CCDC50: variants seen among roughly 807,000 people sequenced by gnomAD.
The protein encoded by CCDC50 is coiled-coil domain containing 50, also known as coiled-coil domain-containing protein 50.
In CCDC50, 54 loss-of-function variants were observed where a neutral mutation model predicts 70.2. The observed-to-expected ratio is 0.77, with a 90% CI of 0.62 to 0.96. The LOEUF (loss-of-function observed/expected upper bound fraction) is 0.96, where lower values mean the gene tolerates loss of function less well. Among genes scored for constraint, CCDC50 ranks in the 50% least tolerant of loss-of-function variants. CCDC50 has a pLI of 0.00. For synonymous variants in CCDC50, 216 were observed against 198.8 expected (o/e 1.09, Z -0.73); for missense variants, 558 against 578.7 (o/e 0.96, Z 0.37).
At chr3:191,338,605 C>T (rs1711598011) in intron 1 of CCDC50, among the ~76,000 whole-genome samples, 1 of 152,230 alleles carries the variant, frequency 6.6e-6, no homozygotes. Context: ...GTTTTCCCAG[C>T]ATTCTCTGGT....
rs1466657463 is a variant in CCDC50, at chr3:191,380,880, A to G, written c.1190A>G (p.Lys397Arg). Residue 397 changes from lysine to arginine, a missense_variant, in exon 9 of 12, where the codon AAG becomes AGG. Lys to Arg is a conservative substitution (Grantham distance 26). Transcript: ENST00000392455. ...GAAAAGAAAGCTTACAAAAAAGCCA[A>G]GGAGCGGGAGAAATCATCTTTGGAC... ...AEEKKAYKKAKEREKSSLDKR... is the reference protein window; with the variant it reads ...AEEKKAYKKAREREKSSLDKR... The G allele has an allele frequency of 3.1e-6, 5 of 1,612,956 alleles. No homozygotes were observed. The highest frequency in any genetic ancestry group is 4.5e-5 in the East Asian group (2 of 44,846).
intron 1 of CCDC50, among the ~76,000 whole-genome samples, chr3:191,343,841 T>C (rs1711817418): frequency 6.6e-6 from 1 of 152,230 alleles, no homozygotes; most frequent in Admixed American, 6.5e-5. Flanking sequence ...ATTTCAAGAA[T>C]TGAACTCCTC....
chr3:191,337,675 C>T (rs143366367), intron 1 of CCDC50, among the ~76,000 whole-genome samples: 9 of 152,048 alleles, frequency 5.9e-5, no homozygotes, highest in East Asian at 1.9e-4. Flanking sequence ...AATTACACTC[C>T]GGTAAATTTC....
rs545306429 is a variant in CCDC50, at chr3:191,347,454, T to C, written c.50-9634T>C. ...TCTGCTTTAAATGCCACATAAATCCTAAGCACCCCGTTGCATTGTTTAGCT... is the reference window on the plus strand; with the variant it reads ...TCTGCTTTAAATGCCACATAAATCCCAAGCACCCCGTTGCATTGTTTAGCT... On this transcript the variant is annotated intron_variant, in intron 1 of 11. Coordinates refer to ENST00000392455, the MANE Select transcript of CCDC50 (RefSeq NM_178335.3). Among the ~76,000 whole-genome samples, 38 of 142,068 alleles carry C rather than the reference T, an allele frequency of 2.7e-4. 3 individuals are homozygous for C. The South Asian group carries it at 8.0e-3, about 30-fold the overall frequency. The allele number at this position is 142,068 out of a possible 152,430, so 93.2% of individuals were successfully genotyped here.
At position 191,389,853 on chromosome 3, in the gene CCDC50, CTTTTTTTTT is replaced by C. The variant is rs10635756; in HGVS notation, c.1429+268_1429+276del. Among the ~76,000 whole-genome samples, 752 of 84,664 alleles carry C rather than the reference CTTTTTTTTT, an allele frequency of 8.9e-3. 4 individuals carry two copies. Among genetic ancestry groups the C allele is most frequent in the Non-Finnish European group, 0.012 (569 of 47,458 alleles). 55.5% of individuals were successfully genotyped at this position (84,664 alleles called of 152,430 possible). A position where few individuals can be genotyped will look rare whatever the true frequency, so the allele number is the denominator to read the frequency against. Reference sequence around the variant, plus strand: ...GAGCACAACGCTTTCATCAAATTCACTTTTTTTTTTTTTTTTTTTTTTTTTGAGTCGGAG... The same window carrying C: ...GAGCACAACGCTTTCATCAAATTCACTTTTTTTTTTTTTTTTGAGTCGGAG... On this transcript the variant is annotated intron_variant, in intron 11 of 11. Coordinates refer to ENST00000392455, the MANE Select transcript of CCDC50 (RefSeq NM_178335.3).
At chr3:191,341,079 G>T (rs572418934) in intron 1 of CCDC50, among the ~76,000 whole-genome samples, 69 of 151,986 alleles carry the variant, frequency 4.5e-4, no homozygotes, top group African/African-American at 1.6e-3. Flanking sequence ...TCCCAGCTTA[G>T]CCTGCACTGG....
rs1453224461 is a variant in CCDC50, at chr3:191,397,273, C to T, written c.*5513C>T. 2 of 152,106 alleles carry T rather than the reference C, an allele frequency of 1.3e-5. No homozygotes were observed. Among genetic ancestry groups the T allele is most frequent in the Non-Finnish European group, 2.9e-5 (2 of 68,016 alleles). The allele number at this position is 152,106 out of a possible 1,614,324, so 9.4% of individuals were successfully genotyped here. ...GCTATACTGCTAAAATAATTTCTACCTGTTAAATTTTGTGAGAGGGTTTTT... is the reference window on the plus strand; with the variant it reads ...GCTATACTGCTAAAATAATTTCTACTTGTTAAATTTTGTGAGAGGGTTTTT... On this transcript the variant is annotated 3_prime_UTR_variant, in exon 12 of 12. Coordinates refer to ENST00000392455, the MANE Select transcript of CCDC50 (RefSeq NM_178335.3).
chr3:191,390,246 C>A (rs1713643392), intron 11 of CCDC50, among the ~76,000 whole-genome samples: 1 of 151,924 alleles, frequency 6.6e-6, no homozygotes, highest in African/African-American at 2.4e-5. Flanking sequence ...GCCCATGACT[C>A]TTATTAATTA....
At chr3:191,334,315 A>G (rs954211369) in intron 1 of CCDC50, among the ~76,000 whole-genome samples, 1 of 152,220 alleles carries the variant, frequency 6.6e-6, no homozygotes, top group Admixed American at 6.5e-5. Flanking sequence ...GTATATTGCC[A>G]TATGTAGACT....
chr3:191,340,341 G>T (rs939962628), intron 1 of CCDC50, among the ~76,000 whole-genome samples: 3 of 152,170 alleles, frequency 2.0e-5, no homozygotes, highest in African/African-American at 7.2e-5. Flanking sequence ...TGTAAATTGG[G>T]CAAGTAAATC....
Position 191,380,347 on chromosome 3 carries a change from A to G in CCDC50, c.1092+73A>G, listed in dbSNP as rs1218037609. The stretch of plus-strand genomic sequence containing the variant: ...TTTTGTGAATCTAGTCCATCTTGAA[A>G]TTATATTAATAGTCCTCTATCAATT... On this transcript the variant is annotated intron_variant, in intron 7 of 11. Transcript: ENST00000392455. 5.5e-6 allele frequency: 5 copies of G among 908,602 alleles called. No homozygotes were observed. In the Admixed American group the frequency reaches 5.7e-5, roughly 10 times the overall value. The allele number at this position is 908,602 out of a possible 1,614,324, so 56.3% of individuals were successfully genotyped here.
Position 191,331,832 on chromosome 3 carries a change from G to C in CCDC50, c.49+2109G>C, listed in dbSNP as rs192386677. ...TAAAGAGAATGAAGCTTGTGCCCCT[G>C]ATAGGGTAAAACATGTGCAAACATT... On this transcript the variant is annotated intron_variant, in intron 1 of 11. Coordinates refer to ENST00000392455, the MANE Select transcript of CCDC50 (RefSeq NM_178335.3). 9.2e-5 allele frequency among the ~76,000 whole-genome samples: 14 copies of C among 152,288 alleles called. No individual in the cohort carries two copies. The East Asian group carries it at 2.7e-3, about 29-fold the overall frequency.
chr3:191,340,526 C>T (rs1420098086), intron 1 of CCDC50, among the ~76,000 whole-genome samples: 2 of 152,218 alleles, frequency 1.3e-5, no homozygotes, highest in Non-Finnish European at 2.9e-5. Flanking sequence ...TTCTACTCAA[C>T]AGTTTTCCTT....
chr3:191,380,028 G>A (rs1713255626), intron 6 of CCDC50, 131 bp from the exon 7 acceptor site: 1 of 665,158 alleles, frequency 1.5e-6, no homozygotes, highest in Non-Finnish European at 2.7e-6. Context: ...ACCCCACACT[G>A]TATTCTGGAG....
chr3:191,353,362 T>G (rs1712165296), intron 1 of CCDC50, among the ~76,000 whole-genome samples: 1 of 141,576 alleles, frequency 7.1e-6, no homozygotes, highest in South Asian at 2.2e-4. Context: ...CAGCCTGAGT[T>G]CTGAATGAGT....
At chr3:191,376,995 T>C (rs983307717) in intron 6 of CCDC50, among the ~76,000 whole-genome samples, 1 of 152,118 alleles carries the variant, frequency 6.6e-6, no homozygotes, top group African/African-American at 2.4e-5. Context: ...ATATTTTAAA[T>C]AGGCTGAGGA....
chr3:191,355,135 C>A (rs1712235557), intron 1 of CCDC50, among the ~76,000 whole-genome samples: 1 of 151,972 alleles, frequency 6.6e-6, no homozygotes, highest in South Asian at 2.1e-4. Flanking sequence ...TAATAGATTG[C>A]CACCCATAAT....
chr3:191,353,927 G>C (rs1182631820), intron 1 of CCDC50, among the ~76,000 whole-genome samples: 1 of 152,144 alleles, frequency 6.6e-6, no homozygotes, highest in African/African-American at 2.4e-5. Flanking sequence ...AGCTTCTGCA[G>C]ATTCAGGGAC....
intron 1 of CCDC50, among the ~76,000 whole-genome samples, chr3:191,345,317 G>C (rs981685949): frequency 2.0e-5 from 3 of 152,152 alleles, no homozygotes; most frequent in Non-Finnish European, 4.4e-5. Context: ...ATGTTTGCGG[G>C]CATTTTAAAA....
Sources: gnomAD v4.1 joint callset for allele counts (sites outside exome capture counted in the v4.1 genomes callset) on GRCh38, gnomAD v4.1.1 for gene constraint, MANE v1.5 for transcripts, NCBI Gene and HGNC (gene_info 2026-07-23, HGNC 2026-07-21) for gene names.